The following RAB3IL1 variants were observed in gnomAD, a reference collection of about 807,000 sequenced individuals.
RAB3IL1 encodes the protein RAB3A interacting protein like 1.
Under a neutral mutation model 49.2 loss-of-function variants are expected in RAB3IL1, and 37 were observed. The ratio of observed to expected loss-of-function variants is 0.75; its 90% CI spans 0.58 to 0.99. The LOEUF is 0.99. Ranked by LOEUF, RAB3IL1 falls within the 50% of genes least tolerant of loss-of-function variation. The pLI is 0.00. For missense variants in RAB3IL1, 484 were observed against 513.0 expected (o/e 0.94, Z 0.55); for synonymous variants, 193 against 213.9 (o/e 0.90, Z 0.85).
the RAB3IL1 span, among the ~76,000 whole-genome samples, chr11:61,929,542 A>T: frequency 6.6e-6 from 1 of 151,820 alleles, no homozygotes; most frequent in Admixed American, 6.6e-5. Context: ...AAAATGTATG[A>T]TCTGAACATG....
chr11:61,917,638 G>T, upstream of RAB3IL1: 1 of 939,150 alleles, frequency 1.1e-6, no homozygotes, highest in Non-Finnish European at 1.3e-6. Flanking sequence ...GCTGGGATCC[G>T]GCGCGCGCTC....
At chr11:61,928,886 C>A in the RAB3IL1 span, among the ~76,000 whole-genome samples, 1 of 152,174 alleles carries the variant, frequency 6.6e-6, no homozygotes, top group Non-Finnish European at 1.5e-5. Flanking sequence ...AGAAACAACA[C>A]ACAACAGATT....
rs937678852 is a variant in RAB3IL1 at position 61,917,384 on chromosome 11, G to T, written c.-17C>A. The T allele has an allele frequency of 8.9e-6, 11 of 1,242,708 alleles. No homozygotes were observed. In the African/African-American group the frequency reaches 1.7e-4, roughly 19 times the overall value. 77.0% of individuals were successfully genotyped at this position (1,242,708 alleles called of 1,614,324 possible). A position where few individuals can be genotyped will look rare whatever the true frequency, so the allele number is the denominator to read the frequency against. On this transcript the variant is annotated 5_prime_UTR_variant, in exon 1 of 10. Transcript: ENST00000394836. ...GCTCCACATCCCGGCGCCTCGGGGC[G>T]CCCAGGCGTCCGTTCCCAGCGCCGC...
At chr11:61,899,051 C>T (rs1938760785) in intron 9 of RAB3IL1, 2 of 561,182 alleles carry the variant, frequency 3.6e-6, no homozygotes, top group South Asian at 3.6e-5. Context: ...CCTCCAGGGC[C>T]AGGGAGAGAT....
At chr11:61,905,255 G>T (rs192000870) in intron 5 of RAB3IL1, among the ~76,000 whole-genome samples, 1 of 152,204 alleles carries the variant, frequency 6.6e-6, no homozygotes. Flanking sequence ...ACACAAGCAC[G>T]TGCACACAGG....
chr11:61,941,156 A>G, the RAB3IL1 span, among the ~76,000 whole-genome samples: 1 of 152,148 alleles, frequency 6.6e-6, no homozygotes, highest in Admixed American at 6.5e-5. Context: ...ACAGATACAG[A>G]AAGAATTATA....
chr11:61,907,077 T>A (rs1384141162), intron 4 of RAB3IL1, among the ~76,000 whole-genome samples: 1 of 152,100 alleles, frequency 6.6e-6, no homozygotes, highest in Non-Finnish European at 1.5e-5. Flanking sequence ...CCATACTGAG[T>A]GAGGTTTCTG....
intron 1 of RAB3IL1, among the ~76,000 whole-genome samples, chr11:61,912,336 A>G (rs1939489457): frequency 6.6e-6 from 1 of 152,314 alleles, no homozygotes; most frequent in East Asian, 1.9e-4. Context: ...GGAGGCTCAC[A>G]GCCATGTGAT....
At chr11:61,913,077 T>C (rs887382158) in intron 1 of RAB3IL1, among the ~76,000 whole-genome samples, 2 of 151,704 alleles carry the variant, frequency 1.3e-5, no homozygotes, top group African/African-American at 4.8e-5. Flanking sequence ...GCACGTCCCG[T>C]AGGCAGCTGA....
At chr11:61,928,182 A>G in the RAB3IL1 span, among the ~76,000 whole-genome samples, 1 of 151,768 alleles carries the variant, frequency 6.6e-6, no homozygotes. Flanking sequence ...AAAAAATTCT[A>G]GAAAAAGAGG....
chr11:61,926,216 A>C, the RAB3IL1 span, among the ~76,000 whole-genome samples: 1 of 152,116 alleles, frequency 6.6e-6, no homozygotes, highest in Non-Finnish European at 1.5e-5. Context: ...AATTTGCGAA[A>C]ATCAATAAGA....
the RAB3IL1 span, among the ~76,000 whole-genome samples, chr11:61,931,890 G>A: frequency 2.4e-4 from 37 of 152,152 alleles, no homozygotes; most frequent in Non-Finnish European, 4.4e-5. Context: ...GGAAAATAGT[G>A]AAAAGATTAG....
upstream of RAB3IL1, among the ~76,000 whole-genome samples, chr11:61,917,911 C>T: frequency 6.6e-6 from 1 of 152,218 alleles, no homozygotes; most frequent in Non-Finnish European, 1.5e-5. Context: ...TCACCCGGCC[C>T]TCCTTCCCTA....
the RAB3IL1 span, among the ~76,000 whole-genome samples, chr11:61,942,906 T>C: frequency 6.6e-6 from 1 of 152,216 alleles, no homozygotes; most frequent in African/African-American, 2.4e-5. Context: ...TGTTCATGGA[T>C]TGGAAGACTT....
At chr11:61,928,407 A>G in the RAB3IL1 span, among the ~76,000 whole-genome samples, 1 of 152,108 alleles carries the variant, frequency 6.6e-6, no homozygotes, top group African/African-American at 2.4e-5. Flanking sequence ...CTCAAAATAT[A>G]TGGAGCTAGG....
At position 61,898,133 on chromosome 11, in the gene RAB3IL1, C is replaced by T; in HGVS notation, c.*145G>A. On this transcript the variant is annotated 3_prime_UTR_variant, in exon 10 of 10. Coordinates refer to ENST00000394836, the MANE Select transcript of RAB3IL1 (RefSeq NM_013401.4). The surrounding 1 kb of genome is among the most constrained non-coding windows in gnomAD (Gnocchi z 5.1). ...CCAGGATGGACGTGTGGTGCTGGCTCAGTGCTGCCTCCATGGCCTGTCTGT... is the reference window on the plus strand; with the variant it reads ...CCAGGATGGACGTGTGGTGCTGGCTTAGTGCTGCCTCCATGGCCTGTCTGT... 4 of 732,878 alleles carry T rather than the reference C, an allele frequency of 5.5e-6. 1 individual carries two copies. Among genetic ancestry groups the T allele is most frequent in the South Asian group, 4.9e-5 (3 of 61,280 alleles). The allele number at this position is 732,878 out of a possible 1,614,324, so 45.4% of individuals were successfully genotyped here.
chr11:61,907,942 AGGGCACATCCCTCTCCCTT>A, intron 2 of RAB3IL1, 93 bp downstream of exon 2: 1 of 1,462,178 alleles, frequency 6.8e-7, no homozygotes, highest in Non-Finnish European at 9.2e-7. Context: ...GGCCTCGGTG[AGGGCACATCCCTCTCCCTT>A]GGGCACATCT....
chr11:61,920,514 G>C (rs981219422), upstream of RAB3IL1, among the ~76,000 whole-genome samples: 1 of 152,220 alleles, frequency 6.6e-6, no homozygotes, highest in Non-Finnish European at 1.5e-5. Context: ...CACCACGCAG[G>C]CTGGGGTGTT....
chr11:61,917,149 A>G (rs975111500), intron 1 of RAB3IL1, among the ~76,000 whole-genome samples: 7 of 151,222 alleles, frequency 4.6e-5, no homozygotes, highest in African/African-American at 9.8e-5. Context: ...TCGGCTGCCC[A>G]CCCTTCGCAC....
Sources: gnomAD v4.1 joint callset for allele counts (sites outside exome capture counted in the v4.1 genomes callset) on GRCh38, gnomAD v4.1.1 for gene constraint, Gnocchi (gnomAD v3.1) non-coding constraint, MANE v1.5 for transcripts, NCBI Gene and HGNC (gene_info 2026-07-23, HGNC 2026-07-21) for gene names.